GSG1L: variants seen among roughly 807,000 people sequenced by gnomAD.
The protein encoded by GSG1L is GSG1 like.
A neutral mutation model predicts 42.1 loss-of-function variants in GSG1L; 24 were observed. The observed-to-expected ratio is 0.57, with a 90% CI of 0.41 to 0.80. The LOEUF (loss-of-function observed/expected upper bound fraction) is 0.80. Among genes scored for constraint, GSG1L ranks in the 30% least tolerant of loss-of-function variants. GSG1L has a pLI of 0.00. For missense variants in GSG1L, 445 were observed against 472.2 expected (o/e 0.94, Z 0.53); for synonymous variants, 215 against 203.5 (o/e 1.06, Z -0.48).
rs1171738855 is a variant in GSG1L, at chr16:27,946,575, AAGAAAGAG to A, written c.397+16573_397+16580del. Among the ~76,000 whole-genome samples the A allele has an allele frequency of 4.2e-3, 107 of 25,284 alleles. 2 individuals are homozygous for A. Among genetic ancestry groups the A allele is most frequent in the African/African-American group, 9.1e-3 (73 of 8,022 alleles). 16.6% of individuals were successfully genotyped at this position (25,284 alleles called of 152,430 possible). The stretch of plus-strand genomic sequence containing the variant: ...AAAGAAAGAAAGAAAGAAAGAAAGA[AAGAAAGAG>A]AGAGAGAGAGAGAGAGAGAGAGAGA... On this transcript the variant is annotated intron_variant, in intron 2 of 6. Coordinates refer to ENST00000447459, the MANE Select transcript of GSG1L (RefSeq NM_001109763.2).
chr16:27,851,854 G>A (rs1032754596), intron 3 of GSG1L, among the ~76,000 whole-genome samples: 1 of 152,172 alleles, frequency 6.6e-6, no homozygotes, highest in African/African-American at 2.4e-5. Flanking sequence ...TCAATCACTG[G>A]GGAGAGGGGT....
At chr16:27,897,737 TG>T (rs1036515241) in intron 2 of GSG1L, among the ~76,000 whole-genome samples, 1 of 152,152 alleles carries the variant, frequency 6.6e-6, no homozygotes, top group Non-Finnish European at 1.5e-5. Flanking sequence ...CTCGCTGTGG[TG>T]GGGTGAGCCT....
At chr16:27,994,582 A>G (rs944776490) in intron 1 of GSG1L, among the ~76,000 whole-genome samples, 1 of 152,178 alleles carries the variant, frequency 6.6e-6, no homozygotes, top group African/African-American at 2.4e-5. Context: ...ACACGTGCAC[A>G]TACATATTTC....
intron 3 of GSG1L, chr16:27,863,491 G>T (rs944473172): frequency 6.6e-6 from 1 of 152,076 alleles, no homozygotes; most frequent in African/African-American, 2.4e-5. Context: ...CTCTTGTATG[G>T]TTGGATCTTG....
intron 1 of GSG1L, among the ~76,000 whole-genome samples, chr16:28,030,582 C>A (rs2085945744): frequency 1.3e-5 from 2 of 152,210 alleles, no homozygotes; most frequent in Non-Finnish European, 2.9e-5. Context: ...GCCCCGCTAC[C>A]TTTTTCTTCA....
intron 2 of GSG1L, among the ~76,000 whole-genome samples, chr16:27,898,262 GCT>G (rs2084213780): frequency 6.6e-6 from 1 of 152,130 alleles, no homozygotes; most frequent in Non-Finnish European, 1.5e-5. Context: ...GCCCACACAG[GCT>G]GGGGGCCTGG....
intron 5 of GSG1L, among the ~76,000 whole-genome samples, chr16:27,815,008 C>T (rs1164427334): frequency 2.0e-5 from 3 of 151,936 alleles, no homozygotes; most frequent in Non-Finnish European, 4.4e-5. Flanking sequence ...TAGATCACTG[C>T]AGCCTCCACC....
chr16:27,824,187 G>A (rs777530545), intron 5 of GSG1L, among the ~76,000 whole-genome samples: 1 of 152,162 alleles, frequency 6.6e-6, no homozygotes, highest in Admixed American at 6.5e-5. Flanking sequence ...CACTTGGCGC[G>A]GCATGTCACA....
At chr16:27,990,934 C>A (rs1015655068) in intron 1 of GSG1L, among the ~76,000 whole-genome samples, 32 of 152,194 alleles carry the variant, frequency 2.1e-4, no homozygotes, top group African/African-American at 7.2e-4. Flanking sequence ...AAAAAAAAGT[C>A]TAATTCAAAA....
intron 2 of GSG1L, chr16:27,888,049 A>G (rs1336689735): frequency 2.5e-5 from 24 of 974,424 alleles, no homozygotes; most frequent in Admixed American, 6.1e-5. Flanking sequence ...CCCCAACCCA[A>G]CAGTCTTTAC....
At chr16:28,062,442 A>T (rs1178581523) in intron 1 of GSG1L, among the ~76,000 whole-genome samples, 1 of 152,104 alleles carries the variant, frequency 6.6e-6, no homozygotes, top group Non-Finnish European at 1.5e-5. Flanking sequence ...CTCTCCCAGG[A>T]GGGGGCCAGG....
intron 1 of GSG1L, among the ~76,000 whole-genome samples, chr16:27,965,669 A>G (rs2085123608): frequency 6.6e-6 from 1 of 152,122 alleles, no homozygotes; most frequent in African/African-American, 2.4e-5. Flanking sequence ...TGCCATCTTT[A>G]TCTCATTCGT....
intron 1 of GSG1L, among the ~76,000 whole-genome samples, chr16:28,031,028 G>A (rs1282119844): frequency 9.5e-5 from 14 of 146,950 alleles, no homozygotes; most frequent in African/African-American, 3.0e-4. Flanking sequence ...GGGATTGGAT[G>A]GGATGGTATG....
intron 6 of GSG1L, among the ~76,000 whole-genome samples, chr16:27,793,972 C>G (rs1252857125): frequency 1.3e-5 from 2 of 152,180 alleles, no homozygotes; most frequent in African/African-American, 4.8e-5. Flanking sequence ...CAATTGTTAC[C>G]AAGGAGAATG....
intron 4 of GSG1L, among the ~76,000 whole-genome samples, chr16:27,837,011 G>T (rs1416861075): frequency 6.6e-6 from 1 of 152,204 alleles, no homozygotes; most frequent in South Asian, 2.1e-4. Context: ...GCTCTGCCCA[G>T]TTACTTCCAG....
chr16:27,940,885 T>TA (rs1212601102), intron 2 of GSG1L, among the ~76,000 whole-genome samples: 1 of 151,222 alleles, frequency 6.6e-6, no homozygotes, highest in Non-Finnish European at 1.5e-5. Flanking sequence ...AAAATAAAAA[T>TA]AAAAAATAAA....
chr16:27,808,876 G>A (rs2082998620), intron 5 of GSG1L, among the ~76,000 whole-genome samples: 1 of 152,178 alleles, frequency 6.6e-6, no homozygotes, highest in South Asian at 2.1e-4. Flanking sequence ...ATGGAGCAGA[G>A]GCTGTTGAGG....
chr16:28,002,947 A>G (rs547152133), intron 1 of GSG1L, among the ~76,000 whole-genome samples: 3 of 151,798 alleles, frequency 2.0e-5, no homozygotes, highest in African/African-American at 7.3e-5. Flanking sequence ...GAAAAAAAAG[A>G]AAGAAAGAAA....
At chr16:27,833,843 G>C (rs2140971437) in intron 4 of GSG1L, among the ~76,000 whole-genome samples, 1 of 152,134 alleles carries the variant, frequency 6.6e-6, no homozygotes, top group East Asian at 1.9e-4. Context: ...TTTTTTGGTA[G>C]ATTCCTTGAA....
Sources: gnomAD v4.1 joint callset for allele counts (sites outside exome capture counted in the v4.1 genomes callset) on GRCh38, gnomAD v4.1.1 for gene constraint, MANE v1.5 for transcripts, NCBI Gene and HGNC (gene_info 2026-07-23, HGNC 2026-07-21) for gene names.